Variants in KATNAL1 observed in about 807,000 individuals in gnomAD.
KATNAL1 encodes the protein katanin p60 ATPase-containing subunit A-like 1.
KATNAL1 carries 32 observed loss-of-function variants against 55.2 expected under a neutral mutation model. That is an observed-to-expected ratio of 0.58 (90% CI 0.44 to 0.78). The LOEUF is 0.78. Among genes scored for constraint, KATNAL1 ranks in the 30% least tolerant of loss-of-function variants. The pLI is 0.00. For missense variants in KATNAL1, 466 were observed against 600.9 expected (o/e 0.78, Z 2.35); for synonymous variants, 193 against 193.6 (o/e 1.00, Z 0.02).
rs898471691 is a variant in KATNAL1 at position 30,204,373 on chromosome 13, C to G, written c.*4167G>C. Reference sequence around the variant, plus strand: ...AATAACCTAGACAATACTGAAGGAACCGAAGTCCACTCACACAACATGAAA... The same window carrying G: ...AATAACCTAGACAATACTGAAGGAAGCGAAGTCCACTCACACAACATGAAA... On this transcript the variant is annotated 3_prime_UTR_variant, in exon 11 of 11. Coordinates refer to ENST00000380615, the MANE Select transcript of KATNAL1 (RefSeq NM_032116.5). 2.0e-5 allele frequency: 3 copies of G among 152,140 alleles called. No individual in the cohort carries two copies. The highest frequency in any genetic ancestry group is 7.2e-5 in the African/African-American group (3 of 41,424). 9.4% of individuals were successfully genotyped at this position (152,140 alleles called of 1,614,324 possible).
chr13:30,274,974 G>A (rs1409513405), intron 3 of KATNAL1, among the ~76,000 whole-genome samples: 4 of 149,646 alleles, frequency 2.7e-5, no homozygotes, highest in Non-Finnish European at 5.9e-5. Flanking sequence ...TCAACCTTAA[G>A]AGAAGGAAAT....
At position 30,233,412 on chromosome 13, in the gene KATNAL1, C is replaced by T. The variant is rs1008509713; in HGVS notation, c.727-1940G>A. ...CAAGTTAAAACCAAAATGAGATCATCTCGCTCCAATTAAAATGGCTTTCAT... is the reference window on the plus strand; with the variant it reads ...CAAGTTAAAACCAAAATGAGATCATTTCGCTCCAATTAAAATGGCTTTCAT... On this transcript the variant is annotated intron_variant, in intron 6 of 10. Transcript: ENST00000380615. Among the ~76,000 whole-genome samples, 4 of 152,150 alleles carry T rather than the reference C, an allele frequency of 2.6e-5. No homozygotes were observed. In the East Asian group the frequency reaches 7.7e-4, roughly 29 times the overall value.
At position 30,240,735 on chromosome 13, in the gene KATNAL1, A is replaced by T. The variant is rs138982762; in HGVS notation, c.621-170T>A. ...GTGAAAACATTAGTTATTAATGAGG[A>T]CATGTCATTGAATTAACAACTTGTC... On this transcript the variant is annotated intron_variant, in intron 5 of 10. Transcript: ENST00000380615. Among the ~76,000 whole-genome samples, 6 of 152,348 alleles carry T rather than the reference A, an allele frequency of 3.9e-5. No individual in the cohort carries two copies. In the East Asian group the frequency reaches 1.2e-3, roughly 29 times the overall value.
chr13:30,227,052 G>A (rs1236397906), intron 9 of KATNAL1, among the ~76,000 whole-genome samples: 1 of 151,868 alleles, frequency 6.6e-6, no homozygotes, highest in Non-Finnish European at 1.5e-5. Flanking sequence ...CTCCAGCCTG[G>A]GCAACAGAAT....
Position 30,203,544 on chromosome 13 carries a change from T to C in KATNAL1, c.*4996A>G, listed in dbSNP as rs1872857957. 6.6e-6 allele frequency: 1 copy of C among 152,164 alleles called. No individual in the cohort carries two copies. The highest frequency in any genetic ancestry group is 1.5e-5 in the Non-Finnish European group (1 of 68,016). 9.4% of individuals were successfully genotyped at this position (152,164 alleles called of 1,614,324 possible). ...AAGAGGGAAACTTCTCTATACAAAT[T>C]CCCTATTTTTTTGTGTCAAATTTCC... is the stretch of plus-strand genomic sequence containing the variant. On this transcript the variant is annotated 3_prime_UTR_variant, in exon 11 of 11. Coordinates refer to ENST00000380615, the MANE Select transcript of KATNAL1 (RefSeq NM_032116.5).
At chr13:30,255,378 C>G in intron 4 of KATNAL1, 69 bp downstream of exon 4, 6 of 1,299,524 alleles carry the variant, frequency 4.6e-6, no homozygotes, top group Non-Finnish European at 5.0e-6. Context: ...GAAAAGCCAA[C>G]AAAAATCATA....
intron 4 of KATNAL1, among the ~76,000 whole-genome samples, chr13:30,244,713 G>T (rs1044364884): frequency 2.6e-5 from 4 of 152,052 alleles, no homozygotes; most frequent in African/African-American, 7.2e-5. Flanking sequence ...ATGATAAAAC[G>T]GATATCACCA....
intron 3 of KATNAL1, among the ~76,000 whole-genome samples, chr13:30,277,779 C>T (rs989903559): frequency 3.4e-4 from 52 of 151,638 alleles, no homozygotes; most frequent in African/African-American, 1.2e-3. Context: ...GTCAGGAGAT[C>T]GAGACCATCC....
chr13:30,256,218 T>A (rs912462380), intron 3 of KATNAL1, among the ~76,000 whole-genome samples: 1 of 152,228 alleles, frequency 6.6e-6, no homozygotes, highest in African/African-American at 2.4e-5. Context: ...CACAGAATCA[T>A]TCAAATTATA....
At chr13:30,292,559 T>G (rs1386847276) in intron 1 of KATNAL1, among the ~76,000 whole-genome samples, 1 of 152,188 alleles carries the variant, frequency 6.6e-6, no homozygotes, top group Non-Finnish European at 1.5e-5. Context: ...TCCAAGGCTG[T>G]AAGCAAACCT....
chr13:30,235,322 G>C (rs1296187626), intron 6 of KATNAL1, among the ~76,000 whole-genome samples: 1 of 152,222 alleles, frequency 6.6e-6, no homozygotes, highest in Non-Finnish European at 1.5e-5. Flanking sequence ...AAAGGAGCCA[G>C]CAGCATGCAG....
intron 3 of KATNAL1, among the ~76,000 whole-genome samples, chr13:30,256,184 C>A (rs1878765454): frequency 6.6e-6 from 1 of 152,148 alleles, no homozygotes; most frequent in Non-Finnish European, 1.5e-5. Flanking sequence ...TTAAAATATT[C>A]ATGTTTTGAG....
intron 6 of KATNAL1, among the ~76,000 whole-genome samples, chr13:30,238,529 T>C (rs1022500613): frequency 1.3e-5 from 2 of 152,174 alleles, no homozygotes; most frequent in African/African-American, 2.4e-5. Flanking sequence ...ACATCATTCA[T>C]CCCCCTCTAA....
chr13:30,261,845 A>T (rs1468557116), intron 3 of KATNAL1, among the ~76,000 whole-genome samples: 1 of 152,048 alleles, frequency 6.6e-6, no homozygotes, highest in East Asian at 1.9e-4. Context: ...CAGGTATTGA[A>T]CTCAGCTCTG....
chr13:30,216,609 A>G (rs1874266157), intron 9 of KATNAL1, among the ~76,000 whole-genome samples: 1 of 152,172 alleles, frequency 6.6e-6, no homozygotes, highest in African/African-American at 2.4e-5. Flanking sequence ...CCCAGCCAAC[A>G]GGCTCGCAGG....
intron 9 of KATNAL1, among the ~76,000 whole-genome samples, chr13:30,216,569 T>C (rs1332757128): frequency 6.6e-6 from 1 of 152,138 alleles, no homozygotes; most frequent in Non-Finnish European, 1.5e-5. Flanking sequence ...CCTCCACAGT[T>C]CCCTAATCCC....
At chr13:30,236,453 C>T (rs1413052868) in intron 6 of KATNAL1, among the ~76,000 whole-genome samples, 1 of 152,180 alleles carries the variant, frequency 6.6e-6, no homozygotes, top group African/African-American at 2.4e-5. Context: ...TCCCTGTAAA[C>T]AATCAGTCAC....
intron 3 of KATNAL1, among the ~76,000 whole-genome samples, chr13:30,271,020 C>G (rs1021226625): frequency 6.6e-6 from 1 of 151,486 alleles, no homozygotes; most frequent in African/African-American, 2.4e-5. Flanking sequence ...CAGGGTAGGG[C>G]TTTCTATGTG....
chr13:30,292,490 C>G (rs1162350760), intron 1 of KATNAL1, among the ~76,000 whole-genome samples: 1 of 152,014 alleles, frequency 6.6e-6, no homozygotes, highest in Admixed American at 6.5e-5. Context: ...CTTAGAGAAC[C>G]TGAATCTATT....
Sources: allele counts gnomAD v4.1 joint callset (sites outside exome capture counted in the v4.1 genomes callset), GRCh38; gene constraint gnomAD v4.1.1; transcripts MANE v1.5; gene names NCBI Gene and HGNC (gene_info 2026-07-23, HGNC 2026-07-21).